The following BMAL2 variants were observed in gnomAD, a reference collection of about 807,000 sequenced individuals.
BMAL2 encodes basic helix-loop-helix ARNT like 2.
chr12:27,367,840 A>G, the BMAL2 span, among the ~76,000 whole-genome samples: 1 of 151,846 alleles, frequency 6.6e-6, no homozygotes, highest in East Asian at 1.9e-4. Context: ...GTATATATAT[A>G]TATATGTATA....
the BMAL2 span, chr12:27,394,769 A>T: frequency 1.3e-5 from 2 of 152,038 alleles, no homozygotes; most frequent in African/African-American, 2.4e-5. Context: ...CCTTTGGGAG[A>T]TAATTAGGTT....
At chr12:27,338,676 A>G in the BMAL2 span, among the ~76,000 whole-genome samples, 11 of 152,248 alleles carry the variant, frequency 7.2e-5, no homozygotes, top group African/African-American at 1.2e-4. Flanking sequence ...AGGCATGGAC[A>G]GTGAACACAG....
At chr12:27,361,425 C>T in the BMAL2 span, among the ~76,000 whole-genome samples, 1 of 152,072 alleles carries the variant, frequency 6.6e-6, no homozygotes, top group South Asian at 2.1e-4. Flanking sequence ...ACGATATCTT[C>T]GTTTAACCTA....
At chr12:27,378,746 ATAGAC>A in the BMAL2 span, among the ~76,000 whole-genome samples, 1 of 152,224 alleles carries the variant, frequency 6.6e-6, no homozygotes, top group Non-Finnish European at 1.5e-5. Context: ...AAGTCATAGA[ATAGAC>A]TAGGAGAGGA....
At chr12:27,420,019 G>GCGCGCGCA in the BMAL2 span, among the ~76,000 whole-genome samples, 1 of 147,478 alleles carries the variant, frequency 6.8e-6, no homozygotes, top group African/African-American at 2.5e-5. Flanking sequence ...GTTTGCGCGT[G>GCGCGCGCA]CACACACACA....
chr12:27,394,557 C>G, the BMAL2 span: 3 of 152,208 alleles, frequency 2.0e-5, no homozygotes, highest in Non-Finnish European at 4.4e-5. Context: ...CATATAACCA[C>G]TCTCAAATCC....
the BMAL2 span, chr12:27,333,175 C>T: frequency 1.7e-6 from 2 of 1,192,004 alleles, no homozygotes; most frequent in East Asian, 7.0e-5. Context: ...GGCGTCCCCG[C>T]GACGCCAGGT....
the BMAL2 span, chr12:27,333,119 G>C: frequency 8.3e-7 from 1 of 1,205,002 alleles, no homozygotes; most frequent in Non-Finnish European, 1.0e-6. Context: ...GTTGCCGGTG[G>C]CGAGGCGACG....
At chr12:27,372,437 G>A in the BMAL2 span, among the ~76,000 whole-genome samples, 7 of 152,014 alleles carry the variant, frequency 4.6e-5, no homozygotes, top group Non-Finnish European at 1.0e-4. Context: ...TCCACTTTTT[G>A]GCTATTGTGA....
the BMAL2 span, chr12:27,415,912 T>G: frequency 6.2e-6 from 10 of 1,607,988 alleles, no homozygotes; most frequent in South Asian, 7.7e-5. Flanking sequence ...TCCAACAGGT[T>G]TAATGAAAGA....
chr12:27,347,228 T>TCA, the BMAL2 span, among the ~76,000 whole-genome samples: 46 of 152,310 alleles, frequency 3.0e-4, no homozygotes, highest in African/African-American at 1.1e-3. Flanking sequence ...GCATTGAATG[T>TCA]CACACAGGGA....
chr12:27,348,714 T>C, the BMAL2 span, among the ~76,000 whole-genome samples: 2 of 152,256 alleles, frequency 1.3e-5, no homozygotes, highest in Non-Finnish European at 2.9e-5. Flanking sequence ...TGAATAGTTA[T>C]AGAATTGACT....
chr12:27,348,880 G>A, the BMAL2 span, among the ~76,000 whole-genome samples: 2 of 139,170 alleles, frequency 1.4e-5, no homozygotes, highest in Admixed American at 1.4e-4. Flanking sequence ...AGAATTAAGT[G>A]AAGCAGGATG....
chr12:27,392,910 T>C, the BMAL2 span, among the ~76,000 whole-genome samples: 6 of 152,156 alleles, frequency 3.9e-5, no homozygotes, highest in African/African-American at 1.4e-4. Flanking sequence ...TCCATTTTTG[T>C]GAAACCTGAT....
At chr12:27,333,431 G>A in the BMAL2 span, among the ~76,000 whole-genome samples, 3 of 152,244 alleles carry the variant, frequency 2.0e-5, no homozygotes, top group Non-Finnish European at 4.4e-5. Flanking sequence ...TGCACCCGGC[G>A]CTGGGAGCAT....
chr12:27,370,326 A>G, the BMAL2 span: 2 of 874,184 alleles, frequency 2.3e-6, no homozygotes, highest in South Asian at 1.5e-5. Flanking sequence ...TGATTTGCTC[A>G]TCATCTATCC....
At chr12:27,361,730 A>G in the BMAL2 span, among the ~76,000 whole-genome samples, 2 of 152,194 alleles carry the variant, frequency 1.3e-5, no homozygotes, top group South Asian at 4.1e-4. Context: ...GATTATTTCC[A>G]AAGAACAGAT....
chr12:27,371,084 A>G, the BMAL2 span, among the ~76,000 whole-genome samples: 1 of 152,234 alleles, frequency 6.6e-6, no homozygotes, highest in Non-Finnish European at 1.5e-5. Flanking sequence ...AACTGCTATA[A>G]TAGAGACCCT....
the BMAL2 span, among the ~76,000 whole-genome samples, chr12:27,359,739 AT>A: frequency 6.6e-6 from 1 of 152,164 alleles, no homozygotes; most frequent in Non-Finnish European, 1.5e-5. Context: ...AGGGATAAAG[AT>A]AAAGAAGTCT....
Sources: gnomAD v4.1 joint callset for allele counts (sites outside exome capture counted in the v4.1 genomes callset) on GRCh38, gnomAD v4.1.1 for gene constraint, MANE v1.5 for transcripts, NCBI Gene and HGNC (gene_info 2026-07-23, HGNC 2026-07-21) for gene names.